PRKDC: variants seen among roughly 807,000 people sequenced by gnomAD.
PRKDC encodes the protein protein kinase, DNA-activated, catalytic subunit.
A neutral mutation model predicts 486.9 loss-of-function variants in PRKDC; 82 were observed. That is an observed-to-expected ratio of 0.17 (90% CI 0.14 to 0.20). PRKDC has a LOEUF of 0.20. PRKDC is among the 10% of genes least tolerant of loss of function. The pLI, the probability that PRKDC is intolerant of heterozygous loss-of-function variation, is 1.00. For synonymous variants in PRKDC, 1,895 were observed against 1,837.0 expected (o/e 1.03, Z -0.81); for missense variants, 4,504 against 5,038.2 (o/e 0.89, Z 3.21).
chr8:47,865,951 T>C (rs967232005), intron 40 of PRKDC, among the ~76,000 whole-genome samples: 2 of 150,998 alleles, frequency 1.3e-5, no homozygotes, highest in African/African-American at 2.4e-5. Flanking sequence ...AGGTCAGGAG[T>C]TTGAGACCAG....
rs915459079 is a variant in PRKDC at position 47,959,831 on chromosome 8, A to G, written c.154+142T>C. On this transcript the variant is annotated intron_variant, in intron 1 of 85. Transcript: ENST00000314191. ...CAGTATGACAAATCCCTTTATACAC[A>G]TACACAGAAATTCCCCCAAGAATCT... 12 of 1,391,736 alleles carry G rather than the reference A, an allele frequency of 8.6e-6. No homozygotes were observed. The African/African-American group carries it at 1.7e-4, about 20-fold the overall frequency. The allele number at this position is 1,391,736 out of a possible 1,614,324, so 86.2% of individuals were successfully genotyped here.
At chr8:47,943,433 C>T in intron 9 of PRKDC, 67 bp from the exon 10 acceptor site, 5 of 1,468,440 alleles carry the variant, frequency 3.4e-6, no homozygotes, top group Non-Finnish European at 4.6e-6. Context: ...ACCAACAAAC[C>T]TGCAGGGATA....
chr8:47,874,195 C>T (rs1382913308), intron 40 of PRKDC, among the ~76,000 whole-genome samples: 2 of 151,750 alleles, frequency 1.3e-5, no homozygotes, highest in Non-Finnish European at 2.9e-5. Flanking sequence ...ATGATCTGCC[C>T]GCCTTGGCCT....
chr8:47,860,271 G>C (rs1178601159), intron 45 of PRKDC, among the ~76,000 whole-genome samples: 1 of 152,230 alleles, frequency 6.6e-6, no homozygotes, highest in African/African-American at 2.4e-5. Context: ...GCCAGGAAGA[G>C]TCTACTTCAG....
In PRKDC at chr8:47,793,344, C is replaced by T. The variant is rs146708026; in HGVS notation, c.10670+946G>A. Reference sequence around the variant, plus strand: ...CCCATTAACTGCAACAGAAGCTGGGCCTCAGCTGGGCATGGTGGCTCACGC... The same window carrying T: ...CCCATTAACTGCAACAGAAGCTGGGTCTCAGCTGGGCATGGTGGCTCACGC... On this transcript the variant is annotated intron_variant, in intron 74 of 85. Coordinates refer to ENST00000314191, the MANE Select transcript of PRKDC (RefSeq NM_006904.7). Among the ~76,000 whole-genome samples, 1,162 of 152,188 alleles carry T rather than the reference C, an allele frequency of 7.6e-3. 13 individuals carry two copies. Among genetic ancestry groups the T allele is most frequent in the Non-Finnish European group, 0.011 (730 of 67,992 alleles).
Position 47,862,553 on chromosome 8 carries a change from T to A in PRKDC, c.5751-12A>T, listed in dbSNP as rs768810197. On this transcript the variant is annotated splice_polypyrimidine_tract_variant and intron_variant, in intron 42 of 85. Coordinates refer to ENST00000314191, the MANE Select transcript of PRKDC (RefSeq NM_006904.7). The stretch of plus-strand genomic sequence containing the variant: ...CATCGTAGCACAATCTGCAGAGAGA[T>A]CCATGTGACAAATCAATTCACACAA... The A allele has an allele frequency of 1.9e-6, 3 of 1,586,706 alleles. No individual in the cohort carries two copies. Among genetic ancestry groups the A allele is most frequent in the Non-Finnish European group, 2.6e-6 (3 of 1,163,044 alleles).
intron 74 of PRKDC, among the ~76,000 whole-genome samples, chr8:47,790,895 A>T (rs2086871531): frequency 6.6e-6 from 1 of 152,168 alleles, no homozygotes; most frequent in Admixed American, 6.5e-5. Flanking sequence ...ATCTCTCACC[A>T]CATACAAAAA....
chr8:47,822,087 A>G (rs1277223942), intron 64 of PRKDC, among the ~76,000 whole-genome samples: 1 of 152,184 alleles, frequency 6.6e-6, no homozygotes, highest in Non-Finnish European at 1.5e-5. Context: ...GTTTGAGACT[A>G]GCCTAGGCAA....
rs1440697747 is a variant in PRKDC, at chr8:47,820,901, G to A, written c.9154C>T (p.Leu3052=). The A allele has an allele frequency of 1.9e-6, 3 of 1,607,598 alleles. No individual in the cohort carries two copies. The highest frequency in any genetic ancestry group is 2.6e-6 in the Non-Finnish European group (3 of 1,176,036). Residue 3052 remains leucine (L), a synonymous_variant, in exon 66 of 86, where the codon CTG becomes TTG. Transcript: ENST00000314191. ...GACTGGTCAGCCTCTCCCTGGAGCA[G>A]CAGCTTCAGCTTGCTGCGGATCATG... ...PYMIRSKLKL[L]LQGEADQSLL...
At position 47,782,815 on chromosome 8, in the gene PRKDC, T is replaced by G; in HGVS notation, c.11176-217A>C. The G allele has an allele frequency of 1.7e-6, 1 of 586,972 alleles. No individual in the cohort carries two copies. Among genetic ancestry groups the G allele is most frequent in the Non-Finnish European group, 3.0e-6 (1 of 330,660 alleles). 36.4% of individuals were successfully genotyped at this position (586,972 alleles called of 1,614,324 possible). ...TGTATTCCTGATTATAAATACTTGC[T>G]TATGAATGTGGATATCTTTAGCAAG... On this transcript the variant is annotated intron_variant, in intron 78 of 85. Coordinates refer to ENST00000314191, the MANE Select transcript of PRKDC (RefSeq NM_006904.7). The surrounding 1 kb of genome is among the most constrained non-coding windows in gnomAD (Gnocchi z 4.9).
Position 47,881,401 on chromosome 8 carries a change from T to C in PRKDC, c.5067+15A>G. 7 of 1,361,880 alleles carry C rather than the reference T, an allele frequency of 5.1e-6. No homozygotes were observed. Among genetic ancestry groups the C allele is most frequent in the Non-Finnish European group, 7.2e-6 (7 of 971,682 alleles). The allele number at this position is 1,361,880 out of a possible 1,614,324, so 84.4% of individuals were successfully genotyped here. On this transcript the variant is annotated intron_variant, in intron 38 of 85. Transcript: ENST00000314191. ...AGAGAATGTAATCCAAAAAAATAAA[T>C]ATTTCACTGTTTACCTTTAAATGTA...
At chr8:47,803,250 C>G in intron 70 of PRKDC, 56 bp downstream of exon 70, 2 of 1,495,606 alleles carry the variant, frequency 1.3e-6, no homozygotes, top group Non-Finnish European at 1.8e-6. Context: ...GGAAGATACA[C>G]AAGACAATAT....
At chr8:47,881,075 CAAGAAAGCAAGA>C (rs1216602036) in intron 38 of PRKDC, among the ~76,000 whole-genome samples, 16 of 148,642 alleles carry the variant, frequency 1.1e-4, no homozygotes, top group African/African-American at 4.0e-4. Context: ...AGCAAGAAAG[CAAGAAAGCAAGA>C]AAGCAAGCAA....
intron 21 of PRKDC, chr8:47,926,882 G>GT (rs915798629): frequency 3.6e-4 from 72 of 199,090 alleles, no homozygotes; most frequent in Admixed American, 1.3e-3. Flanking sequence ...TATTCAACAA[G>GT]TTTTTTTTGC....
intron 69 of PRKDC, among the ~76,000 whole-genome samples, chr8:47,803,760 G>A (rs191823379): frequency 7.8e-4 from 119 of 152,178 alleles, no homozygotes; most frequent in African/African-American, 2.8e-3. Context: ...AACCAGACTA[G>A]GCAACATGGT....
Position 47,879,515 on chromosome 8 carries a change from A to G in PRKDC, c.5211T>C (p.Asn1737=). The change falls in exon 39 of 86, where the codon AAT becomes AAC. Residue 1737 remains asparagine, a synonymous_variant. Transcript: ENST00000314191. ...CCTTTTTCATGCAGTCCACATAATT[A>G]TTGAACCGCGGAGTTCCTGGAGGAA... ...REFPPGTPRF[N]NYVDCMKKFL... is the part of the protein sequence containing the mutation. The G allele has an allele frequency of 6.3e-7, 1 of 1,595,474 alleles. No individual in the cohort carries two copies.
intron 74 of PRKDC, among the ~76,000 whole-genome samples, chr8:47,790,811 G>A (rs991373374): frequency 3.9e-5 from 6 of 152,104 alleles, no homozygotes; most frequent in African/African-American, 1.4e-4. Context: ...CATACATCAG[G>A]GAAAGGACAG....
chr8:47,959,054 A>C (rs2154504807), intron 1 of PRKDC: 1 of 152,198 alleles, frequency 6.6e-6, no homozygotes, highest in Non-Finnish European at 1.5e-5. Flanking sequence ...CATCTAGTTT[A>C]AACTGTTTAA....
At chr8:47,875,337 TCTTC>T (rs2089069197) in intron 40 of PRKDC, among the ~76,000 whole-genome samples, 2 of 152,222 alleles carry the variant, frequency 1.3e-5, no homozygotes, top group African/African-American at 4.8e-5. Context: ...AAACTGTGGT[TCTTC>T]CTTTATTTTT....
Sources: gnomAD v4.1 joint callset for allele counts (sites outside exome capture counted in the v4.1 genomes callset) on GRCh38, gnomAD v4.1.1 for gene constraint, Gnocchi (gnomAD v3.1) non-coding constraint, MANE v1.5 for transcripts, NCBI Gene and HGNC (gene_info 2026-07-23, HGNC 2026-07-21) for gene names.